The following EXT1 variants were observed in gnomAD, a reference collection of about 807,000 sequenced individuals.
The protein encoded by EXT1 is exostosin glycosyltransferase 1.
Under a neutral mutation model 82.5 loss-of-function variants are expected in EXT1, and 20 were observed. That is an observed-to-expected ratio of 0.24 (90% CI 0.17 to 0.35). EXT1 has a LOEUF of 0.35. Among genes scored for constraint, EXT1 ranks in the 10% least tolerant of loss-of-function variants. EXT1 has a pLI of 1.00. For missense variants in EXT1, 757 were observed against 936.5 expected (o/e 0.81, Z 2.50); for synonymous variants, 348 against 350.8 (o/e 0.99, Z 0.09).
At chr8:117,931,754 T>C (rs1371570963) in intron 1 of EXT1, among the ~76,000 whole-genome samples, 1 of 152,246 alleles carries the variant, frequency 6.6e-6, no homozygotes, top group African/African-American at 2.4e-5. Context: ...TATCCATCTA[T>C]GTTTTAGGTA....
intron 1 of EXT1, among the ~76,000 whole-genome samples, chr8:117,900,921 T>G (rs1327237325): frequency 2.0e-5 from 3 of 152,242 alleles, no homozygotes. Flanking sequence ...CATCTAGGGT[T>G]CAAGCACTAA....
At chr8:117,874,837 T>C (rs761712767) in intron 1 of EXT1, among the ~76,000 whole-genome samples, 6 of 152,224 alleles carry the variant, frequency 3.9e-5, no homozygotes, top group Non-Finnish European at 5.9e-5. Flanking sequence ...GACTGCATCT[T>C]AAACACTGCC....
chr8:117,924,383 G>T (rs961111375), intron 1 of EXT1, among the ~76,000 whole-genome samples: 3 of 152,146 alleles, frequency 2.0e-5, no homozygotes, highest in African/African-American at 7.2e-5. Flanking sequence ...TGCTATAAAA[G>T]CCAACGGGAA....
intron 1 of EXT1, among the ~76,000 whole-genome samples, chr8:118,041,665 A>AGGAG (rs1243316964): frequency 8.0e-6 from 1 of 125,128 alleles, no homozygotes; most frequent in African/African-American, 3.1e-5. Flanking sequence ...AGAGAGAGAA[A>AGGAG]GAAGGAAGGA....
intron 1 of EXT1, among the ~76,000 whole-genome samples, chr8:117,906,119 C>G (rs940137386): frequency 1.3e-5 from 2 of 152,158 alleles, no homozygotes; most frequent in African/African-American, 4.8e-5. Flanking sequence ...TATTCTATCC[C>G]TCGTATTTCT....
At position 117,891,742 on chromosome 8, in the gene EXT1, G is replaced by C. The variant is rs567987529; in HGVS notation, c.963-54541C>G. ...TCAGAAGAGCTTTACCCACTCTAAG[G>C]ACCAAGGTTAAAGGCAGCATCCTAA... On this transcript the variant is annotated intron_variant, in intron 1 of 10. Transcript: ENST00000378204. Among the ~76,000 whole-genome samples the C allele has an allele frequency of 2.8e-4, 42 of 151,586 alleles. 1 individual carries two copies. The South Asian group carries it at 7.9e-3, about 29-fold the overall frequency.
intron 1 of EXT1, among the ~76,000 whole-genome samples, chr8:118,072,716 C>T (rs1307052104): frequency 6.6e-6 from 1 of 152,168 alleles, no homozygotes; most frequent in Non-Finnish European, 1.5e-5. Flanking sequence ...TTAGCTTGGC[C>T]GTGTCTTTTT....
chr8:117,838,545 G>A (rs1812223163), intron 1 of EXT1, among the ~76,000 whole-genome samples: 1 of 152,070 alleles, frequency 6.6e-6, no homozygotes, highest in South Asian at 2.1e-4. Context: ...TCCATTGAGA[G>A]TAAAAATTTT....
chr8:117,986,487 G>A (rs986874309), intron 1 of EXT1, among the ~76,000 whole-genome samples: 11 of 152,066 alleles, frequency 7.2e-5, no homozygotes, highest in Admixed American at 5.9e-4. Flanking sequence ...GTGAGCCACC[G>A]CACCTGGAAT....
At chr8:117,908,715 G>A (rs1335577801) in intron 1 of EXT1, among the ~76,000 whole-genome samples, 1 of 152,120 alleles carries the variant, frequency 6.6e-6, no homozygotes, top group East Asian at 1.9e-4. Context: ...GCTGGGTAAA[G>A]AATATAGTGG....
intron 1 of EXT1, among the ~76,000 whole-genome samples, chr8:117,877,876 C>T (rs910144738): frequency 4.6e-5 from 7 of 152,090 alleles, no homozygotes; most frequent in Admixed American, 2.0e-4. Context: ...CCTAAAATTA[C>T]GCAAAGACTA....
intron 1 of EXT1, among the ~76,000 whole-genome samples, chr8:118,074,032 G>A (rs1198846616): frequency 6.6e-6 from 1 of 151,378 alleles, no homozygotes; most frequent in Non-Finnish European, 1.5e-5. Context: ...TTCCACTCCC[G>A]CAGCACAAGA....
intron 1 of EXT1, among the ~76,000 whole-genome samples, chr8:117,908,575 A>T (rs1326839647): frequency 6.6e-6 from 1 of 152,092 alleles, no homozygotes; most frequent in Non-Finnish European, 1.5e-5. Context: ...GGTTGCAGTG[A>T]GCCAAGATCG....
At chr8:117,926,898 A>G (rs1221504032) in intron 1 of EXT1, among the ~76,000 whole-genome samples, 3 of 152,208 alleles carry the variant, frequency 2.0e-5, no homozygotes, top group Non-Finnish European at 2.9e-5. Flanking sequence ...TAAAAATTCT[A>G]CAAAAAAACT....
At chr8:117,916,554 G>A (rs1813758376) in intron 1 of EXT1, among the ~76,000 whole-genome samples, 1 of 152,186 alleles carries the variant, frequency 6.6e-6, no homozygotes, top group African/African-American at 2.4e-5. Flanking sequence ...ATTAAAAAAT[G>A]ACTGGGAATT....
chr8:117,827,132 A>G lies in EXT1; in HGVS notation c.1284+3098T>C, dbSNP rs1250064440. 1.8e-4 allele frequency among the ~76,000 whole-genome samples: 28 copies of G among 152,220 alleles called. 2 individuals are homozygous for G. In the East Asian group the frequency reaches 2.3e-3, roughly 13 times the overall value. ...GAGAGTCACGCCCAGACAGCTTGTGAGATTCTAGGTGGATATAATGTTTTT... is the reference window on the plus strand; with the variant it reads ...GAGAGTCACGCCCAGACAGCTTGTGGGATTCTAGGTGGATATAATGTTTTT... On this transcript the variant is annotated intron_variant, in intron 4 of 10. Coordinates refer to ENST00000378204, the MANE Select transcript of EXT1 (RefSeq NM_000127.3).
rs911465603 is a variant in EXT1, at chr8:117,807,433, A to G, written c.1723-56T>C. ...TCAACAGTGTTAACAAATGTCAACA[A>G]AACATTACCTTCTCCCCACTAATTC... On this transcript the variant is annotated intron_variant, in intron 8 of 10. Coordinates refer to ENST00000378204, the MANE Select transcript of EXT1 (RefSeq NM_000127.3). 5.0e-6 allele frequency: 8 copies of G among 1,588,682 alleles called. No individual in the cohort carries two copies. In the African/African-American group the frequency reaches 6.7e-5, roughly 13 times the overall value.
chr8:118,044,177 C>T (rs919107493), intron 1 of EXT1, among the ~76,000 whole-genome samples: 1 of 152,174 alleles, frequency 6.6e-6, no homozygotes, highest in Admixed American at 6.5e-5. Context: ...GTTATAGCAA[C>T]TATACAAAAC....
intron 1 of EXT1, among the ~76,000 whole-genome samples, chr8:118,037,637 A>G (rs933335290): frequency 6.6e-5 from 10 of 152,198 alleles, no homozygotes; most frequent in African/African-American, 2.4e-4. Flanking sequence ...TATACTATAG[A>G]GTATGCTTTA....
Sources: gnomAD v4.1 joint callset for allele counts (sites outside exome capture counted in the v4.1 genomes callset) on GRCh38, gnomAD v4.1.1 for gene constraint, MANE v1.5 for transcripts, NCBI Gene and HGNC (gene_info 2026-07-23, HGNC 2026-07-21) for gene names.